Variants in IGF1R observed in about 807,000 individuals in gnomAD.
The protein encoded by IGF1R is insulin-like growth factor 1 receptor.
A neutral mutation model predicts 144.6 loss-of-function variants in IGF1R; 44 were observed. The ratio of observed to expected loss-of-function variants is 0.30; its 90% CI spans 0.24 to 0.39. IGF1R has a LOEUF of 0.39. Ranked by LOEUF, IGF1R falls within the 10% of genes least tolerant of loss-of-function variation. IGF1R has a pLI of 1.00. For missense variants in IGF1R, 1,355 were observed against 1,833.7 expected, an observed-to-expected ratio of 0.74 and a Z score of 4.77; for synonymous variants, 795 against 722.8, an observed-to-expected ratio of 1.10 and a Z score of -1.60.
intron 2 of IGF1R, among the ~76,000 whole-genome samples, chr15:98,753,724 T>TA (rs1306709261): frequency 6.6e-6 from 1 of 152,152 alleles, no homozygotes; most frequent in Non-Finnish European, 1.5e-5. Context: ...CATGGCGAAT[T>TA]AATGTTTCTT....
rs149050325 is a variant in IGF1R at position 98,688,180 on chromosome 15, G to T, written c.95-19382G>T. ...ACCTAGATTCTTGTTTCACGGGTAG[G>T]GGGCAGGGTTTTGGATTCAGCCCTG... On this transcript the variant is annotated intron_variant, in intron 1 of 20. Coordinates refer to ENST00000650285, the MANE Select transcript of IGF1R (RefSeq NM_000875.5). Among the ~76,000 whole-genome samples the T allele has an allele frequency of 7.3e-3, 1,105 of 152,212 alleles. 12 individuals carry two copies. Among genetic ancestry groups the T allele is most frequent in the African/African-American group, 0.026 (1,060 of 41,528 alleles).
intron 1 of IGF1R, among the ~76,000 whole-genome samples, chr15:98,653,557 G>A (rs2052418899): frequency 6.6e-6 from 1 of 152,154 alleles, no homozygotes; most frequent in African/African-American, 2.4e-5. Context: ...GTAGTTTTAG[G>A]ATACACTGTT....
chr15:98,650,808 G>A (rs2052343242), intron 1 of IGF1R: 2 of 713,858 alleles, frequency 2.8e-6, no homozygotes, highest in African/African-American at 1.9e-5. Context: ...TCCTTTGTAC[G>A]TAGTTAATAA....
intron 3 of IGF1R, among the ~76,000 whole-genome samples, chr15:98,894,444 T>G (rs1375382674): frequency 6.6e-6 from 1 of 152,196 alleles, no homozygotes; most frequent in East Asian, 1.9e-4. Flanking sequence ...GATAGTTAGT[T>G]AAACTGTGGG....
At chr15:98,762,500 G>A (rs562690422) in intron 2 of IGF1R, among the ~76,000 whole-genome samples, 1 of 152,240 alleles carries the variant, frequency 6.6e-6, no homozygotes, top group Non-Finnish European at 1.5e-5. Context: ...GGCCAAGGCA[G>A]ACAGATCACC....
At chr15:98,720,819 A>G (rs1201264246) in intron 2 of IGF1R, among the ~76,000 whole-genome samples, 1 of 152,110 alleles carries the variant, frequency 6.6e-6, no homozygotes, top group Admixed American at 6.6e-5. Context: ...TGTGGAATGA[A>G]TTTAAATTCA....
chr15:98,877,837 A>G (rs1214170040), intron 2 of IGF1R, among the ~76,000 whole-genome samples: 1 of 152,194 alleles, frequency 6.6e-6, no homozygotes, highest in Non-Finnish European at 1.5e-5. Flanking sequence ...GTTGTTGACA[A>G]AATTTTATCA....
intron 2 of IGF1R, among the ~76,000 whole-genome samples, chr15:98,717,462 A>G (rs996470536): frequency 3.3e-5 from 5 of 152,242 alleles, no homozygotes; most frequent in East Asian, 1.9e-4. Flanking sequence ...TGCTTTTCTA[A>G]ATTGTAGAAT....
At chr15:98,824,486 A>G (rs955617580) in intron 2 of IGF1R, among the ~76,000 whole-genome samples, 1 of 152,180 alleles carries the variant, frequency 6.6e-6, no homozygotes, top group African/African-American at 2.4e-5. Flanking sequence ...CATATGTTCA[A>G]AATACCATGG....
chr15:98,666,612 C>G (rs189901884), intron 1 of IGF1R, among the ~76,000 whole-genome samples: 1 of 152,032 alleles, frequency 6.6e-6, no homozygotes, highest in Non-Finnish European at 1.5e-5. Context: ...AGACACTCTG[C>G]GAAGTGAAAG....
intron 2 of IGF1R, among the ~76,000 whole-genome samples, chr15:98,837,105 T>G (rs1309463474): frequency 1.3e-5 from 2 of 152,244 alleles, no homozygotes; most frequent in African/African-American, 4.8e-5. Flanking sequence ...TCTTTTTTCT[T>G]TTTTTGAGAC....
intron 2 of IGF1R, among the ~76,000 whole-genome samples, chr15:98,736,015 A>G (rs534702830): frequency 6.6e-6 from 1 of 152,326 alleles, no homozygotes; most frequent in Admixed American, 6.5e-5. Context: ...GGTTTCCTGT[A>G]CAGTACTGCC....
chr15:98,744,079 A>G (rs922098710), intron 2 of IGF1R, among the ~76,000 whole-genome samples: 1 of 152,006 alleles, frequency 6.6e-6, no homozygotes, highest in African/African-American at 2.4e-5. Flanking sequence ...GGAAATGTGG[A>G]CTGGTGCCGA....
intron 2 of IGF1R, among the ~76,000 whole-genome samples, chr15:98,865,336 T>G (rs1442692092): frequency 6.6e-6 from 1 of 152,242 alleles, no homozygotes; most frequent in African/African-American, 2.4e-5. Flanking sequence ...TATGTTGGAC[T>G]AATTCCTAAA....
chr15:98,826,456 T>TG (rs1406576427), intron 2 of IGF1R, among the ~76,000 whole-genome samples: 2 of 152,224 alleles, frequency 1.3e-5, no homozygotes, highest in Non-Finnish European at 2.9e-5. Flanking sequence ...TGAACTGCAA[T>TG]GAAAAATGCA....
chr15:98,764,499 C>A (rs1050753719), intron 2 of IGF1R, among the ~76,000 whole-genome samples: 2 of 152,100 alleles, frequency 1.3e-5, no homozygotes, highest in Non-Finnish European at 2.9e-5. Flanking sequence ...ATGCTGGGAT[C>A]TTTTACCAAA....
intron 2 of IGF1R, among the ~76,000 whole-genome samples, chr15:98,830,442 A>G (rs1028720580): frequency 6.6e-6 from 1 of 152,202 alleles, no homozygotes; most frequent in African/African-American, 2.4e-5. Context: ...CAGTTTGTGC[A>G]CTAGCCTAAG....
Position 98,891,701 on chromosome 15 carries a change from A to T in IGF1R, c.953+64A>T. On this transcript the variant is annotated intron_variant, in intron 3 of 20. Coordinates refer to ENST00000650285, the MANE Select transcript of IGF1R (RefSeq NM_000875.5). The surrounding 1 kb of genome is among the most constrained non-coding windows in gnomAD (Gnocchi z 4.7). ...CCTCACCCGCCACCCTAGCACACAA[A>T]GGTAGACTCTGTCGGTTGTTTCATC... 4 of 1,504,638 alleles carry T rather than the reference A, an allele frequency of 2.7e-6. No individual in the cohort carries two copies. Among genetic ancestry groups the T allele is most frequent in the Non-Finnish European group, 3.6e-6 (4 of 1,100,230 alleles). 93.2% of individuals were successfully genotyped at this position (1,504,638 alleles called of 1,614,324 possible).
At position 98,734,371 on chromosome 15, in the gene IGF1R, G is replaced by A. The variant is rs571176148; in HGVS notation, c.640+26264G>A. ...TTCAGAGTAAGTCGGCCTTGGTTAA[G>A]TCTTAATATTTCTCATGCCTATTTT... On this transcript the variant is annotated intron_variant, in intron 2 of 20. Coordinates refer to ENST00000650285, the MANE Select transcript of IGF1R (RefSeq NM_000875.5). Among the ~76,000 whole-genome samples the A allele has an allele frequency of 3.9e-5, 6 of 152,142 alleles. No individual in the cohort carries two copies. In the South Asian group the frequency reaches 1.2e-3, roughly 32 times the overall value.
Sources: gnomAD v4.1 joint callset for allele counts (sites outside exome capture counted in the v4.1 genomes callset) on GRCh38, gnomAD v4.1.1 for gene constraint, Gnocchi (gnomAD v3.1) non-coding constraint, MANE v1.5 for transcripts, NCBI Gene and HGNC (gene_info 2026-07-23, HGNC 2026-07-21) for gene names.